UNC5D: variants seen among roughly 807,000 people sequenced by gnomAD.
UNC5D encodes netrin receptor UNC5D.
UNC5D carries 39 observed loss-of-function variants against 105.4 expected under a neutral mutation model. The ratio of observed to expected loss-of-function variants is 0.37; its 90% CI spans 0.29 to 0.48. UNC5D has a LOEUF of 0.48. Among genes scored for constraint, UNC5D ranks in the 20% least tolerant of loss-of-function variants. The pLI is 0.98. For synonymous variants in UNC5D, 452 were observed against 450.4 expected, an observed-to-expected ratio of 1.00 and a Z score of -0.04; for missense variants, 991 against 1,202.4, an observed-to-expected ratio of 0.82 and a Z score of 2.60.
chr8:35,241,828 G>C (rs1802824537), intron 1 of UNC5D, among the ~76,000 whole-genome samples: 1 of 151,902 alleles, frequency 6.6e-6, no homozygotes, highest in Admixed American at 6.6e-5. Context: ...TTTTCTTTAT[G>C]CTAGAAACAT....
At chr8:35,645,426 T>G (rs2131152466) in intron 4 of UNC5D, among the ~76,000 whole-genome samples, 1 of 152,258 alleles carries the variant, frequency 6.6e-6, no homozygotes, top group Admixed American at 6.6e-5. Context: ...GGAAAATCTT[T>G]TAGCAAAATA....
intron 1 of UNC5D, among the ~76,000 whole-genome samples, chr8:35,511,915 T>C (rs1026825947): frequency 1.3e-5 from 2 of 152,158 alleles, no homozygotes; most frequent in African/African-American, 4.8e-5. Flanking sequence ...ACCTTCTGAG[T>C]GCCTGGCTAT....
chr8:35,592,654 G>A (rs1234754234), intron 3 of UNC5D, among the ~76,000 whole-genome samples: 1 of 152,104 alleles, frequency 6.6e-6, no homozygotes, highest in African/African-American at 2.4e-5. Flanking sequence ...AGTAGTCAGT[G>A]TCCTGGCACC....
intron 4 of UNC5D, among the ~76,000 whole-genome samples, chr8:35,623,722 A>T (rs1434438922): frequency 1.3e-5 from 2 of 152,108 alleles, no homozygotes; most frequent in East Asian, 3.9e-4. Flanking sequence ...CCATTTTTTC[A>T]TTTAGAAGCA....
At position 35,763,410 on chromosome 8, in the gene UNC5D, C is replaced by T. The variant is rs114957945; in HGVS notation, c.2314-3492C>T. 7.1e-3 allele frequency among the ~76,000 whole-genome samples: 1,060 copies of T among 148,916 alleles called. 9 individuals are homozygous for T. Among genetic ancestry groups the T allele is most frequent in the African/African-American group, 0.025 (999 of 40,602 alleles). On this transcript the variant is annotated intron_variant, in intron 14 of 16. Transcript: ENST00000404895. ...ATACAGAGAATTTAGCAAATGATAC[C>T]AGAGAAGATACTCATTTTAAATGAA...
chr8:35,336,939 A>G (rs1459775940), intron 1 of UNC5D, among the ~76,000 whole-genome samples: 1 of 152,174 alleles, frequency 6.6e-6, no homozygotes, highest in African/African-American at 2.4e-5. Flanking sequence ...AACAGATGCC[A>G]GCGAGCAGTT....
chr8:35,469,709 A>G (rs1809571582), intron 1 of UNC5D, among the ~76,000 whole-genome samples: 1 of 152,218 alleles, frequency 6.6e-6, no homozygotes, highest in African/African-American at 2.4e-5. Flanking sequence ...TTTAAGGAAA[A>G]CTACAACACA....
At chr8:35,626,534 G>A (rs1158520778) in intron 4 of UNC5D, among the ~76,000 whole-genome samples, 1 of 152,168 alleles carries the variant, frequency 6.6e-6, no homozygotes, top group Non-Finnish European at 1.5e-5. Flanking sequence ...GTAAGGTGTT[G>A]CATTTATAGC....
At chr8:35,460,278 C>A (rs967795970) in intron 1 of UNC5D, among the ~76,000 whole-genome samples, 2 of 152,150 alleles carry the variant, frequency 1.3e-5, no homozygotes, top group African/African-American at 4.8e-5. Flanking sequence ...CTGAGGCTTG[C>A]TTTCCCTAGA....
Position 35,645,490 on chromosome 8 carries a change from A to G in UNC5D, c.571-38057A>G, listed in dbSNP as rs187379697. Among the ~76,000 whole-genome samples, 605 of 151,592 alleles carry G rather than the reference A, an allele frequency of 4.0e-3. 5 individuals carry two copies. Among genetic ancestry groups the G allele is most frequent in the African/African-American group, 0.014 (579 of 41,246 alleles). On this transcript the variant is annotated intron_variant, in intron 4 of 16. Coordinates refer to ENST00000404895, the MANE Select transcript of UNC5D (RefSeq NM_080872.4). ...ACAAATAATAAGATTACTTGAACCC[A>G]CTTGCAACATTTTTCTATCGTATAT...
intron 3 of UNC5D, among the ~76,000 whole-genome samples, chr8:35,570,170 C>T (rs547095989): frequency 2.4e-4 from 36 of 152,328 alleles, no homozygotes; most frequent in Admixed American, 4.6e-4. Context: ...TCCTTCTAAA[C>T]GCTTTGCTCT....
At chr8:35,628,177 A>G (rs2131063494) in intron 4 of UNC5D, among the ~76,000 whole-genome samples, 1 of 152,210 alleles carries the variant, frequency 6.6e-6, no homozygotes, top group South Asian at 2.1e-4. Context: ...TCTGTTGCTC[A>G]GGCTGGAGTG....
intron 1 of UNC5D, among the ~76,000 whole-genome samples, chr8:35,536,243 C>A (rs967388750): frequency 3.9e-5 from 6 of 152,210 alleles, no homozygotes; most frequent in African/African-American, 1.4e-4. Flanking sequence ...CAGGGCGCAG[C>A]TTCTTTGCTG....
chr8:35,303,517 G>T (rs56245938), intron 1 of UNC5D, among the ~76,000 whole-genome samples: 2,832 of 152,194 alleles, frequency 0.019, 40 homozygotes, highest in Non-Finnish European at 0.029. Flanking sequence ...ATAAGTGCTG[G>T]AACCAACATT....
chr8:35,671,886 G>GT (rs1368414020), intron 4 of UNC5D, among the ~76,000 whole-genome samples: 2 of 151,892 alleles, frequency 1.3e-5, no homozygotes, highest in Non-Finnish European at 1.5e-5. Context: ...TGATAATGCT[G>GT]TAAGCTGGTC....
chr8:35,333,559 A>C (rs541597866), intron 1 of UNC5D, among the ~76,000 whole-genome samples: 5 of 152,256 alleles, frequency 3.3e-5, no homozygotes, highest in Admixed American at 3.3e-4. Flanking sequence ...GGCTCACTGC[A>C]ACCTCCGCCT....
chr8:35,589,792 AT>A (rs1436860102), intron 3 of UNC5D, among the ~76,000 whole-genome samples: 1 of 152,132 alleles, frequency 6.6e-6, no homozygotes, highest in Non-Finnish European at 1.5e-5. Flanking sequence ...CTAGCATAGC[AT>A]TTTTAAGATT....
At chr8:35,339,538 A>G (rs938756425) in intron 1 of UNC5D, among the ~76,000 whole-genome samples, 2 of 152,250 alleles carry the variant, frequency 1.3e-5, no homozygotes, top group African/African-American at 4.8e-5. Context: ...AGGGAATTTC[A>G]GGAATTAAAA....
At chr8:35,427,826 T>A (rs932986750) in intron 1 of UNC5D, among the ~76,000 whole-genome samples, 3 of 152,198 alleles carry the variant, frequency 2.0e-5, no homozygotes, top group African/African-American at 7.2e-5. Context: ...TCTGGAAAGC[T>A]CATTATAAAT....
Sources: gnomAD v4.1 joint callset for allele counts (sites outside exome capture counted in the v4.1 genomes callset) on GRCh38, gnomAD v4.1.1 for gene constraint, MANE v1.5 for transcripts, NCBI Gene and HGNC (gene_info 2026-07-23, HGNC 2026-07-21) for gene names.